SLC16A7: variants seen among roughly 807,000 people sequenced by gnomAD.
The protein encoded by SLC16A7 is monocarboxylate transporter 2.
A neutral mutation model predicts 34.9 loss-of-function variants in SLC16A7; 33 were observed. The observed-to-expected ratio is 0.94, with a 90% CI of 0.72 to 1.26. SLC16A7 has a LOEUF of 1.26. SLC16A7 is among the 50% of genes most tolerant of loss of function. The pLI is 0.00. For missense variants in SLC16A7, 573 were observed against 578.1 expected (o/e 0.99, Z 0.09); for synonymous variants, 201 against 206.6 (o/e 0.97, Z 0.23).
chr12:59,647,896 T>C (rs966628675), intron 1 of SLC16A7, among the ~76,000 whole-genome samples: 1 of 151,200 alleles, frequency 6.6e-6, no homozygotes, highest in Non-Finnish European at 1.5e-5. Context: ...AAAAAAAAAA[T>C]ACAAAAATTA....
chr12:59,731,345 T>G (rs541523724), intron 3 of SLC16A7, among the ~76,000 whole-genome samples: 1 of 152,302 alleles, frequency 6.6e-6, no homozygotes, highest in South Asian at 2.1e-4. Flanking sequence ...AAACAATTTA[T>G]CAGTTAGAGA....
At chr12:59,719,590 A>C (rs1376697396) in intron 3 of SLC16A7, 6 of 152,334 alleles carry the variant, frequency 3.9e-5, no homozygotes, top group African/African-American at 1.4e-4. Flanking sequence ...AAAAGTATTA[A>C]ATATATATTT....
chr12:59,754,079 C>A (rs1170607511), intron 3 of SLC16A7, among the ~76,000 whole-genome samples: 11 of 152,070 alleles, frequency 7.2e-5, no homozygotes, highest in Non-Finnish European at 1.0e-4. Flanking sequence ...ACGCAACATA[C>A]CAGAATCTCT....
rs1023029180 is a variant in SLC16A7 at position 59,634,733 on chromosome 12, G to A, written c.-129-20419G>A. Among the ~76,000 whole-genome samples, 7 of 152,044 alleles carry A rather than the reference G, an allele frequency of 4.6e-5. No homozygotes were observed. The South Asian group carries it at 8.3e-4, about 18-fold the overall frequency. ...AGAAAGTGCACAGATGGGCCTTGAAGAAGGCTTAAGAGTCTGAATAAAGTT... is the reference window on the plus strand; with the variant it reads ...AGAAAGTGCACAGATGGGCCTTGAAAAAGGCTTAAGAGTCTGAATAAAGTT... On this transcript the variant is annotated intron_variant, in intron 1 of 5. Coordinates refer to ENST00000547379, the MANE Select transcript of SLC16A7 (RefSeq NM_001270623.2).
At chr12:59,712,456 T>C (rs898842370) in intron 3 of SLC16A7, among the ~76,000 whole-genome samples, 2 of 152,204 alleles carry the variant, frequency 1.3e-5, no homozygotes, top group Non-Finnish European at 2.9e-5. Context: ...AAAATCCTTC[T>C]ATGTTTAGGG....
At chr12:59,667,494 G>A (rs921712793) in intron 2 of SLC16A7, among the ~76,000 whole-genome samples, 1 of 152,166 alleles carries the variant, frequency 6.6e-6, no homozygotes, top group African/African-American at 2.4e-5. Flanking sequence ...CTCTTGTTAT[G>A]CAAAAAGTTT....
At chr12:59,607,528 G>A (rs548747293) in intron 1 of SLC16A7, among the ~76,000 whole-genome samples, 3 of 152,158 alleles carry the variant, frequency 2.0e-5, no homozygotes, top group South Asian at 2.1e-4. Flanking sequence ...TAATCTGTGA[G>A]GCTAAAATAT....
intron 3 of SLC16A7, among the ~76,000 whole-genome samples, chr12:59,726,541 A>G (rs1360909139): frequency 3.0e-4 from 45 of 152,114 alleles, no homozygotes; most frequent in Admixed American, 2.9e-3. Flanking sequence ...CTGCTCTTGG[A>G]TATTGAATTA....
At chr12:59,680,961 C>T (rs949628199) in intron 2 of SLC16A7, among the ~76,000 whole-genome samples, 1 of 152,176 alleles carries the variant, frequency 6.6e-6, no homozygotes, top group African/African-American at 2.4e-5. Flanking sequence ...GCTTTCTCAC[C>T]ATTGATAATG....
rs754013771 is a variant in SLC16A7, at chr12:59,775,489, T to TG, written c.1180+14_1180+15insG. 2 of 1,587,504 alleles carry TG rather than the reference T, an allele frequency of 1.3e-6. No homozygotes were observed. Among genetic ancestry groups the TG allele is most frequent in the Non-Finnish European group, 1.7e-6 (2 of 1,158,080 alleles). ...CTCCTCTTGCAGGTAAGAACGTTTT[T>TG]CATCAAGGAAAATGTAAAGCATAAA... is the stretch of plus-strand genomic sequence containing the variant. On this transcript the variant is annotated intron_variant, in intron 5 of 5. Coordinates refer to ENST00000547379, the MANE Select transcript of SLC16A7 (RefSeq NM_001270623.2).
At chr12:59,644,423 C>T (rs992577692) in intron 1 of SLC16A7, among the ~76,000 whole-genome samples, 20 of 151,908 alleles carry the variant, frequency 1.3e-4, no homozygotes, top group Admixed American at 9.9e-4. Context: ...AAAAATGAGC[C>T]GAACATGTTG....
rs143358191 is a variant in SLC16A7 at position 59,783,264 on chromosome 12, G to A, written c.*3585G>A. 9.2e-5 allele frequency: 14 copies of A among 152,206 alleles called. No homozygotes were observed. Among genetic ancestry groups the A allele is most frequent in the Non-Finnish European group, 1.6e-4 (11 of 68,008 alleles). The allele number at this position is 152,206 out of a possible 1,614,324, so 9.4% of individuals were successfully genotyped here. On this transcript the variant is annotated 3_prime_UTR_variant, in exon 6 of 6. Transcript: ENST00000547379. ...AGGGAGATTGGATGCATAGTGGAAA[G>A]GGAACTAATATTTATATGTTATGCA... is the stretch of plus-strand genomic sequence containing the variant.
intron 2 of SLC16A7, among the ~76,000 whole-genome samples, chr12:59,701,515 C>A (rs1872877637): frequency 6.6e-6 from 1 of 151,358 alleles, no homozygotes; most frequent in African/African-American, 2.4e-5. Context: ...TGTATAGGAG[C>A]AAACCAAGTA....
At chr12:59,602,985 G>A (rs1228691478) in intron 1 of SLC16A7, among the ~76,000 whole-genome samples, 1 of 152,034 alleles carries the variant, frequency 6.6e-6, no homozygotes, top group Non-Finnish European at 1.5e-5. Context: ...GTATCCTGTG[G>A]TCTCTTCCTT....
chr12:59,682,513 T>C (rs1870821526), intron 2 of SLC16A7, among the ~76,000 whole-genome samples: 1 of 152,182 alleles, frequency 6.6e-6, no homozygotes, highest in Non-Finnish European at 1.5e-5. Flanking sequence ...GAAAGAGACA[T>C]GAATAATTTC....
chr12:59,676,691 A>G (rs1870340538), intron 2 of SLC16A7, among the ~76,000 whole-genome samples: 1 of 152,186 alleles, frequency 6.6e-6, no homozygotes, highest in Non-Finnish European at 1.5e-5. Flanking sequence ...ACATTAAAGA[A>G]GGAAACAAAA....
At chr12:59,758,598 C>T (rs1253681386) in intron 3 of SLC16A7, among the ~76,000 whole-genome samples, 2 of 151,432 alleles carry the variant, frequency 1.3e-5, no homozygotes, top group Non-Finnish European at 2.9e-5. Context: ...AGAGATAGAC[C>T]CAGCAGAATG....
At chr12:59,643,365 G>A (rs17122770) in intron 1 of SLC16A7, among the ~76,000 whole-genome samples, 3,281 of 152,230 alleles carry the variant, frequency 0.022, 113 homozygotes, top group African/African-American at 0.074. Flanking sequence ...CAAGTTGAAA[G>A]TGGTAAGCAT....
At chr12:59,757,277 T>TA (rs1224404950) in intron 3 of SLC16A7, among the ~76,000 whole-genome samples, 1 of 150,936 alleles carries the variant, frequency 6.6e-6, no homozygotes. Context: ...TAAAATAAAA[T>TA]AAAAAAAGAA....
Sources: allele counts gnomAD v4.1 joint callset (sites outside exome capture counted in the v4.1 genomes callset), GRCh38; gene constraint gnomAD v4.1.1; transcripts MANE v1.5; gene names NCBI Gene and HGNC (gene_info 2026-07-23, HGNC 2026-07-21).